Variants in NFKB1 observed in about 807,000 individuals in gnomAD.
NFKB1 encodes the protein nuclear factor NF-kappa-B p105 subunit.
A neutral mutation model predicts 105.1 loss-of-function variants in NFKB1; 9 were observed. The ratio of observed to expected loss-of-function variants is 0.09; its 90% CI spans 0.05 to 0.15. The LOEUF is 0.15. Ranked by LOEUF, NFKB1 falls within the 10% of genes least tolerant of loss-of-function variation. The pLI is 1.00. For missense variants in NFKB1, 830 were observed against 1,203.7 expected, an observed-to-expected ratio of 0.69 and a Z score of 4.59; for synonymous variants, 440 against 442.2, an observed-to-expected ratio of 1.00 and a Z score of 0.06.
intron 3 of NFKB1, 152 bp from the exon 4 acceptor site, chr4:102,533,693 G>C (rs532134049): frequency 1.4e-6 from 1 of 689,906 alleles, no homozygotes; most frequent in Non-Finnish European, 2.5e-6. Context: ...ACAAGGAAGA[G>C]AAATTATATC....
chr4:102,549,404 T>C (rs1166282131), intron 5 of NFKB1, among the ~76,000 whole-genome samples: 2 of 148,596 alleles, frequency 1.3e-5, no homozygotes, highest in Non-Finnish European at 3.0e-5. Context: ...TATATGTACA[T>C]TTTATATATG....
chr4:102,562,089 G>A lies in NFKB1; in HGVS notation c.259-4898G>A, dbSNP rs993489613. On this transcript the variant is annotated intron_variant, in intron 5 of 23. Transcript: ENST00000226574. ...GTCAGCTTGAAGAAAATCCTGAGAC[G>A]TGATAATGGGTAGGTCCAAGGAGGT... 2.6e-5 allele frequency among the ~76,000 whole-genome samples: 4 copies of A among 152,108 alleles called. No homozygotes were observed. The East Asian group carries it at 7.7e-4, about 29-fold the overall frequency.
chr4:102,508,407 T>C (rs1739565978), intron 1 of NFKB1, among the ~76,000 whole-genome samples: 1 of 152,212 alleles, frequency 6.6e-6, no homozygotes, highest in African/African-American at 2.4e-5. Context: ...TGTTAAGAAT[T>C]AAAATTAAAT....
chr4:102,544,095 T>C (rs1002589518), intron 5 of NFKB1, among the ~76,000 whole-genome samples: 6 of 146,822 alleles, frequency 4.1e-5, no homozygotes, highest in African/African-American at 1.6e-4. Flanking sequence ...CCTAAATTTA[T>C]ATGCAGACTT....
intron 1 of NFKB1, among the ~76,000 whole-genome samples, chr4:102,522,761 G>A (rs572573775): frequency 1.3e-5 from 2 of 152,252 alleles, no homozygotes; most frequent in South Asian, 2.1e-4. Context: ...AGTCTAGATC[G>A]ACAGAAAGCT....
intron 1 of NFKB1, among the ~76,000 whole-genome samples, chr4:102,506,527 G>A (rs771942874): frequency 1.3e-5 from 2 of 152,084 alleles, no homozygotes; most frequent in African/African-American, 2.4e-5. Context: ...AGAAGCTGGG[G>A]CCTCATCCTA....
intron 5 of NFKB1, among the ~76,000 whole-genome samples, chr4:102,553,205 C>T (rs1445602811): frequency 6.6e-6 from 1 of 152,068 alleles, no homozygotes; most frequent in African/African-American, 2.4e-5. Flanking sequence ...GATTCTACAC[C>T]GAATGATGTC....
At chr4:102,530,968 T>C (rs1426354593) in intron 3 of NFKB1, among the ~76,000 whole-genome samples, 1 of 152,164 alleles carries the variant, frequency 6.6e-6, no homozygotes, top group East Asian at 1.9e-4. Context: ...GCTGTCCAAT[T>C]TGAGCTCTAG....
chr4:102,545,636 C>T (rs1382572497), intron 5 of NFKB1, among the ~76,000 whole-genome samples: 1 of 152,074 alleles, frequency 6.6e-6, no homozygotes, highest in East Asian at 1.9e-4. Context: ...TCTGTTTCTA[C>T]TTTGCAGGAA....
intron 5 of NFKB1, among the ~76,000 whole-genome samples, chr4:102,539,186 G>A (rs747470879): frequency 3.5e-5 from 5 of 142,348 alleles, no homozygotes; most frequent in Admixed American, 7.4e-5. Flanking sequence ...GCAGTGAGCC[G>A]AGACTGTGCC....
At position 102,502,329 on chromosome 4, in the gene NFKB1, C is replaced by G. The variant is rs370692082; in HGVS notation, c.-8+541C>G. Among the ~76,000 whole-genome samples the G allele has an allele frequency of 4.6e-5, 7 of 151,236 alleles. No individual in the cohort carries two copies. In the East Asian group the frequency reaches 5.9e-4, roughly 13 times the overall value. ...TCCCTCTCCTACTTCTAAAAGAAACCTGGCTCGCTCTCTGTCTCTCTCTCT... is the reference window on the plus strand; with the variant it reads ...TCCCTCTCCTACTTCTAAAAGAAACGTGGCTCGCTCTCTGTCTCTCTCTCT... On this transcript the variant is annotated intron_variant, in intron 1 of 23. Coordinates refer to ENST00000226574, the MANE Select transcript of NFKB1 (RefSeq NM_003998.4).
chr4:102,612,192 G>A, intron 21 of NFKB1, 82 bp downstream of exon 21: 1 of 1,304,694 alleles, frequency 7.7e-7, no homozygotes, highest in Non-Finnish European at 1.1e-6. Flanking sequence ...CATTATCCAG[G>A]GTCTACTGTT....
intron 5 of NFKB1, among the ~76,000 whole-genome samples, chr4:102,558,674 A>G (rs1425148179): frequency 6.6e-6 from 1 of 152,160 alleles, no homozygotes; most frequent in Non-Finnish European, 1.5e-5. Context: ...TTTAAGAGAC[A>G]GGGTCTCACC....
intron 5 of NFKB1, among the ~76,000 whole-genome samples, chr4:102,540,067 A>G (rs1367823959): frequency 6.6e-6 from 1 of 152,174 alleles, no homozygotes; most frequent in Non-Finnish European, 1.5e-5. Context: ...TGAGAAGGGG[A>G]TTGAAAGACA....
In NFKB1 at chr4:102,613,585, A is replaced by C. The variant is rs561940368; in HGVS notation, c.2749+4A>C. 1.9e-4 allele frequency: 303 copies of C among 1,611,150 alleles called. 4 individuals are homozygous for C. The South Asian group carries it at 3.3e-3, about 17-fold the overall frequency. On this transcript the variant is annotated splice_donor_region_variant and intron_variant, in intron 23 of 23. Transcript: ENST00000226574. ...GCCTCCACAAGGCAGCAAATAGGTA[A>C]AAAAAAAGACAAAAGACAGTGGAGA...
chr4:102,575,254 A>G (rs1348880524), intron 6 of NFKB1, among the ~76,000 whole-genome samples: 1 of 152,134 alleles, frequency 6.6e-6, no homozygotes, highest in Non-Finnish European at 1.5e-5. Context: ...TGTCTTAGCT[A>G]TCCACTTTTT....
intron 5 of NFKB1, among the ~76,000 whole-genome samples, chr4:102,553,105 C>T (rs536069935): frequency 3.9e-5 from 6 of 152,218 alleles, no homozygotes; most frequent in African/African-American, 1.4e-4. Flanking sequence ...ATGTACTTTC[C>T]TTCTGAAGAA....
At chr4:102,536,601 A>C (rs1444936390) in intron 4 of NFKB1, among the ~76,000 whole-genome samples, 1 of 152,148 alleles carries the variant, frequency 6.6e-6, no homozygotes, top group East Asian at 1.9e-4. Context: ...AGTATAGTCT[A>C]AGTAGTGCAT....
At chr4:102,593,686 A>G (rs1255765456) in intron 12 of NFKB1, 118 bp downstream of exon 12, 2 of 926,754 alleles carry the variant, frequency 2.2e-6, no homozygotes, top group East Asian at 3.1e-5. Context: ...TGAGTATATT[A>G]ATTAAAATTT....
Sources: gnomAD v4.1 joint callset for allele counts (sites outside exome capture counted in the v4.1 genomes callset) on GRCh38, gnomAD v4.1.1 for gene constraint, MANE v1.5 for transcripts, NCBI Gene and HGNC (gene_info 2026-07-23, HGNC 2026-07-21) for gene names.